Variants in CNTN5 observed in about 807,000 individuals in gnomAD.
The protein encoded by CNTN5 is contactin-5.
A neutral mutation model predicts 129.1 loss-of-function variants in CNTN5; 77 were observed. The observed-to-expected ratio is 0.60, with a 90% CI of 0.50 to 0.72. CNTN5 has a LOEUF of 0.72. CNTN5 is among the 30% of genes least tolerant of loss of function. The pLI is 0.00. For synonymous variants in CNTN5, 509 were observed against 465.6 expected (o/e 1.09, Z -1.20); for missense variants, 1,478 against 1,328.8 (o/e 1.11, Z -1.75).
At chr11:99,093,264 T>C (rs990385618) in intron 1 of CNTN5, among the ~76,000 whole-genome samples, 16 of 152,056 alleles carry the variant, frequency 1.1e-4, no homozygotes, top group Non-Finnish European at 2.1e-4. Flanking sequence ...TAATAGATAT[T>C]AATTAAATAC....
chr11:99,163,416 G>A (rs949672768), intron 1 of CNTN5, among the ~76,000 whole-genome samples: 10 of 151,840 alleles, frequency 6.6e-5, no homozygotes, highest in Admixed American at 5.2e-4. Flanking sequence ...AGTTATGTAT[G>A]CTAGTTTTCT....
At chr11:99,897,164 G>T (rs1949228123) in intron 6 of CNTN5, among the ~76,000 whole-genome samples, 1 of 152,038 alleles carries the variant, frequency 6.6e-6, no homozygotes, top group Non-Finnish European at 1.5e-5. Context: ...ATTATGTAAT[G>T]TAACTAAACC....
At chr11:100,334,634 C>G (rs1591522984) in intron 21 of CNTN5, among the ~76,000 whole-genome samples, 1 of 151,982 alleles carries the variant, frequency 6.6e-6, no homozygotes, top group Non-Finnish European at 1.5e-5. Context: ...TTCACAGCAA[C>G]CTGGGTGGAA....
At chr11:99,760,511 A>C (rs1367451864) in intron 3 of CNTN5, among the ~76,000 whole-genome samples, 3 of 152,140 alleles carry the variant, frequency 2.0e-5, no homozygotes, top group Non-Finnish European at 2.9e-5. Context: ...TACGTTATAC[A>C]TTCATGAAGC....
chr11:100,149,926 A>T (rs977330256), intron 13 of CNTN5, among the ~76,000 whole-genome samples: 4 of 151,684 alleles, frequency 2.6e-5, no homozygotes, highest in Admixed American at 2.0e-4. Flanking sequence ...AAGAAAAAAA[A>T]AATCTCATGG....
rs1436472740 is a variant in CNTN5 at position 99,916,063 on chromosome 11, A to G, written c.587A>G (p.Asn196Ser). ...TTTATTATGTTGACAGATCTGGGAA[A>G]TTTTAGTGGCCGGACAAGAAGTGCA... ...EATLQFAYLG[N>S]FSGRTRSAVS... The change falls in exon 7 of 25, where the codon AAT becomes AGT. Residue 196 changes from asparagine (N) to serine (S), a missense_variant. By Grantham distance (46) the Asn-to-Ser change is conservative (BLOSUM62 1). Coordinates refer to ENST00000524871, the MANE Select transcript of CNTN5 (RefSeq NM_014361.4). The G allele has an allele frequency of 6.2e-7, 1 of 1,611,728 alleles. No homozygotes were observed. The highest frequency in any genetic ancestry group is 8.5e-7 in the Non-Finnish European group (1 of 1,178,826).
intron 2 of CNTN5, among the ~76,000 whole-genome samples, chr11:99,497,725 G>C (rs1230990300): frequency 6.6e-6 from 1 of 152,116 alleles, no homozygotes; most frequent in African/African-American, 2.4e-5. Context: ...TCCTACCACT[G>C]TAAAAGATGG....
intron 2 of CNTN5, among the ~76,000 whole-genome samples, chr11:99,442,183 T>A (rs891894508): frequency 2.6e-4 from 40 of 152,148 alleles, no homozygotes; most frequent in Admixed American, 1.8e-3. Context: ...TATATATATT[T>A]TTTTTTTAAG....
At chr11:99,263,199 A>G (rs1862724864) in intron 1 of CNTN5, among the ~76,000 whole-genome samples, 1 of 152,038 alleles carries the variant, frequency 6.6e-6, no homozygotes, top group Admixed American at 6.6e-5. Flanking sequence ...CTTTTCATGT[A>G]AGGTGTTTCC....
Position 100,341,190 on chromosome 11 carries a change from A to C in CNTN5, c.3015A>C (p.Glu1005Asp). 6.2e-7 allele frequency: 1 copy of C among 1,612,938 alleles called. No homozygotes were observed. The highest frequency in any genetic ancestry group is 1.7e-4 in the Middle Eastern group (1 of 6,058). Residue 1005 changes from glutamate to aspartate, a missense_variant, in exon 23 of 25, where the codon GAA becomes GAC. Coordinates refer to ENST00000524871, the MANE Select transcript of CNTN5 (RefSeq NM_014361.4). ...TCATACCATTAGCCAACGAATCTGA[A>C]GTTGTGGGTTACAAGGTCAGTATTT... ...EPVIPLANES[E>D]VVGYKVFYRQ...
chr11:100,050,936 A>G (rs775419746), intron 9 of CNTN5, among the ~76,000 whole-genome samples: 6 of 152,174 alleles, frequency 3.9e-5, no homozygotes, highest in South Asian at 2.1e-4. Context: ...TTTACAATGT[A>G]TGAAGCAAAA....
rs141371585 is a variant in CNTN5, at chr11:100,105,910, C to T, written c.1580+31616C>T. ...GGAAACAACTCTTAGTCAAACAAGC[C>T]TTTCTCTCATAACATTGGCCCCATT... On this transcript the variant is annotated intron_variant, in intron 13 of 24. Transcript: ENST00000524871. Among the ~76,000 whole-genome samples, 167 of 152,244 alleles carry T rather than the reference C, an allele frequency of 1.1e-3. 1 individual carries two copies. Among genetic ancestry groups the T allele is most frequent in the African/African-American group, 3.9e-3 (164 of 41,544 alleles).
chr11:100,286,246 A>G (rs1232041800), intron 18 of CNTN5, among the ~76,000 whole-genome samples: 1 of 152,196 alleles, frequency 6.6e-6, no homozygotes, highest in Non-Finnish European at 1.5e-5. Context: ...AACTGGGTGG[A>G]GCCCACCACA....
intron 2 of CNTN5, among the ~76,000 whole-genome samples, chr11:99,457,169 A>G (rs1944526590): frequency 6.6e-6 from 1 of 152,002 alleles, no homozygotes; most frequent in African/African-American, 2.4e-5. Context: ...TTATTCCACC[A>G]ATTTGAAAAT....
intron 3 of CNTN5, among the ~76,000 whole-genome samples, chr11:99,636,000 A>C (rs991757396): frequency 6.6e-6 from 1 of 152,280 alleles, no homozygotes; most frequent in South Asian, 2.1e-4. Context: ...ACATGGATAA[A>C]ATTTAATTAA....
At chr11:99,294,548 T>A (rs1864302218) in intron 1 of CNTN5, among the ~76,000 whole-genome samples, 1 of 152,162 alleles carries the variant, frequency 6.6e-6, no homozygotes, top group African/African-American at 2.4e-5. Context: ...AGATATCCCA[T>A]GTTCATGGAT....
At chr11:99,959,640 G>A (rs903132421) in intron 8 of CNTN5, among the ~76,000 whole-genome samples, 6 of 152,130 alleles carry the variant, frequency 3.9e-5, no homozygotes, top group East Asian at 1.9e-4. Context: ...AGCAGTTGAC[G>A]TTGTTGACAC....
intron 1 of CNTN5, among the ~76,000 whole-genome samples, chr11:99,064,300 G>A (rs2135224194): frequency 6.6e-6 from 1 of 152,244 alleles, no homozygotes; most frequent in South Asian, 2.1e-4. Context: ...GTAGCTGCAT[G>A]GGCATGATTT....
At chr11:100,340,834 G>A (rs2139013706) in intron 22 of CNTN5, among the ~76,000 whole-genome samples, 185 bp downstream of exon 22, 1 of 152,282 alleles carries the variant, frequency 6.6e-6, no homozygotes, top group African/African-American at 2.4e-5. Flanking sequence ...GTAGACAAAG[G>A]TTATCTTCCT....
Sources: gnomAD v4.1 joint callset for allele counts (sites outside exome capture counted in the v4.1 genomes callset) on GRCh38, gnomAD v4.1.1 for gene constraint, MANE v1.5 for transcripts, NCBI Gene and HGNC (gene_info 2026-07-23, HGNC 2026-07-21) for gene names.